EBF1: variants seen among roughly 807,000 people sequenced by gnomAD.
EBF1 encodes the protein EBF transcription factor 1.
A neutral mutation model predicts 68.4 loss-of-function variants in EBF1; 10 were observed. That is an observed-to-expected ratio of 0.15 (90% CI 0.09 to 0.25). The LOEUF (loss-of-function observed/expected upper bound fraction) is 0.25, where lower values mean the gene tolerates loss of function less well. EBF1 is among the 10% of genes least tolerant of loss of function. The pLI is 1.00. For missense variants in EBF1, 509 were observed against 794.4 expected (o/e 0.64, Z 4.32); for synonymous variants, 298 against 299.8 (o/e 0.99, Z 0.06).
At chr5:158,938,098 A>AT (rs1812468681) in intron 6 of EBF1, among the ~76,000 whole-genome samples, 1 of 152,162 alleles carries the variant, frequency 6.6e-6, no homozygotes, top group Non-Finnish European at 1.5e-5. Context: ...TGGAATCTTG[A>AT]TATTTTTGTT....
intron 6 of EBF1, among the ~76,000 whole-genome samples, chr5:159,052,349 T>TAG (rs1776808087): frequency 2.4e-5 from 1 of 42,544 alleles, no homozygotes; most frequent in Non-Finnish European, 4.4e-5. Flanking sequence ...CCAAAAGATA[T>TAG]AGAAAAAAAA....
intron 14 of EBF1, among the ~76,000 whole-genome samples, chr5:158,710,450 A>G (rs1334764391): frequency 6.6e-6 from 1 of 152,250 alleles, no homozygotes; most frequent in Non-Finnish European, 1.5e-5. Flanking sequence ...TTCTGACTGA[A>G]TAAATGGGAG....
chr5:159,005,763 A>T (rs561346891), intron 6 of EBF1, among the ~76,000 whole-genome samples: 1 of 152,332 alleles, frequency 6.6e-6, no homozygotes, highest in African/African-American at 2.4e-5. Context: ...TGAGAATTTG[A>T]TAAAAGCCTC....
chr5:159,030,626 C>G (rs1009917867), intron 6 of EBF1, among the ~76,000 whole-genome samples: 2 of 152,010 alleles, frequency 1.3e-5, no homozygotes. Flanking sequence ...GCAAGGGGAG[C>G]AAGAAATTGG....
intron 9 of EBF1, among the ~76,000 whole-genome samples, chr5:158,786,964 T>A (rs1777574363): frequency 6.6e-6 from 1 of 152,126 alleles, no homozygotes; most frequent in African/African-American, 2.4e-5. Context: ...ATACAGAGAC[T>A]CACTCTAACA....
intron 6 of EBF1, among the ~76,000 whole-genome samples, chr5:158,915,044 G>A (rs1489962193): frequency 6.6e-6 from 1 of 152,072 alleles, no homozygotes; most frequent in African/African-American, 2.4e-5. Flanking sequence ...CAGGATGATG[G>A]GACACTTATC....
intron 6 of EBF1, among the ~76,000 whole-genome samples, chr5:158,982,528 T>C (rs1218018153): frequency 6.6e-6 from 1 of 152,222 alleles, no homozygotes; most frequent in African/African-American, 2.4e-5. Context: ...ATCCAGATCC[T>C]AGCACAGTGC....
At chr5:158,782,619 C>G (rs373221628) in intron 9 of EBF1, among the ~76,000 whole-genome samples, 2 of 152,014 alleles carry the variant, frequency 1.3e-5, no homozygotes, top group Admixed American at 1.3e-4. Flanking sequence ...CGTGATTGTG[C>G]CACTGCTGTC....
chr5:158,706,264 G>A (rs780073122), intron 15 of EBF1, among the ~76,000 whole-genome samples: 11 of 151,598 alleles, frequency 7.3e-5, no homozygotes, highest in South Asian at 2.1e-4. Context: ...GAAGAGCGGC[G>A]TGCTCTGTGG....
chr5:158,871,104 C>T (rs1417222668), intron 6 of EBF1, among the ~76,000 whole-genome samples: 1 of 152,180 alleles, frequency 6.6e-6, no homozygotes, highest in Non-Finnish European at 1.5e-5. Flanking sequence ...TATCACAGCA[C>T]ACATTCTAGA....
intron 7 of EBF1, among the ~76,000 whole-genome samples, chr5:158,838,473 A>T (rs894060898): frequency 1.5e-4 from 23 of 151,490 alleles, no homozygotes; most frequent in African/African-American, 5.6e-4. Context: ...GAAAGAAAAG[A>T]AAAAAAGAAA....
chr5:158,945,666 C>T (rs1290977628), intron 6 of EBF1, among the ~76,000 whole-genome samples: 2 of 152,158 alleles, frequency 1.3e-5, no homozygotes, highest in African/African-American at 4.8e-5. Flanking sequence ...CTGCTCTTCT[C>T]AAGGAGTATC....
chr5:158,866,389 C>A (rs143689975), intron 6 of EBF1, among the ~76,000 whole-genome samples: 1 of 152,196 alleles, frequency 6.6e-6, no homozygotes, highest in Non-Finnish European at 1.5e-5. Flanking sequence ...GGAACATCAT[C>A]ATTTTTCTCT....
At chr5:159,007,356 C>CAAT (rs1424363312) in intron 6 of EBF1, among the ~76,000 whole-genome samples, 1 of 152,132 alleles carries the variant, frequency 6.6e-6, no homozygotes, top group Non-Finnish European at 1.5e-5. Context: ...AGTCATTATC[C>CAAT]AATACACTTT....
intron 9 of EBF1, among the ~76,000 whole-genome samples, chr5:158,787,440 A>G (rs1777677910): frequency 6.6e-6 from 1 of 152,158 alleles, no homozygotes; most frequent in Admixed American, 6.5e-5. Flanking sequence ...GTTAAGAAGT[A>G]TTGTTCTCAT....
At chr5:159,083,721 G>A (rs1482348324) in intron 5 of EBF1, among the ~76,000 whole-genome samples, 1 of 152,196 alleles carries the variant, frequency 6.6e-6, no homozygotes, top group Non-Finnish European at 1.5e-5. Flanking sequence ...GCCCTAAACG[G>A]ATTGGTCAGT....
chr5:158,861,829 G>A (rs1257663675), intron 6 of EBF1, among the ~76,000 whole-genome samples: 1 of 148,552 alleles, frequency 6.7e-6, no homozygotes, highest in Admixed American at 6.7e-5. Flanking sequence ...TTCTTATAAA[G>A]GTTGATTTAT....
chr5:158,825,178 T>A (rs1470809309), intron 7 of EBF1, among the ~76,000 whole-genome samples: 1 of 152,208 alleles, frequency 6.6e-6, no homozygotes. Flanking sequence ...TGTTTACAGG[T>A]TAATTTAAAA....
At chr5:158,878,793 G>A (rs1433082701) in intron 6 of EBF1, among the ~76,000 whole-genome samples, 1 of 151,998 alleles carries the variant, frequency 6.6e-6, no homozygotes, top group Non-Finnish European at 1.5e-5. Context: ...ACAGGGATGT[G>A]CCACGGTGCT....
Sources: allele counts gnomAD v4.1 joint callset (sites outside exome capture counted in the v4.1 genomes callset), GRCh38; gene constraint gnomAD v4.1.1; transcripts MANE v1.5; gene names NCBI Gene and HGNC (gene_info 2026-07-23, HGNC 2026-07-21).